The following SARNP variants were observed in gnomAD, a reference collection of about 807,000 sequenced individuals.
The protein encoded by SARNP is SAP domain containing ribonucleoprotein, also known as SAP domain-containing ribonucleoprotein.
Under a neutral mutation model 38.1 loss-of-function variants are expected in SARNP, and 5 were observed. That is an observed-to-expected ratio of 0.13 (90% CI 0.07 to 0.28). SARNP has a LOEUF of 0.28. SARNP is among the 10% of genes least tolerant of loss of function. The pLI is 1.00. For synonymous variants in SARNP, 84 were observed against 80.6 expected (o/e 1.04, Z -0.23); for missense variants, 180 against 243.9 (o/e 0.74, Z 1.75).
intron 1 of SARNP, among the ~76,000 whole-genome samples, chr12:55,807,042 C>T (rs1184526934): frequency 6.6e-6 from 1 of 152,152 alleles, no homozygotes; most frequent in African/African-American, 2.4e-5. Context: ...ATCCTCCCAC[C>T]CGAACCTCCA....
intron 10 of SARNP, among the ~76,000 whole-genome samples, chr12:55,758,404 TGA>T (rs1157969601): frequency 1.3e-5 from 2 of 152,084 alleles, no homozygotes; most frequent in Non-Finnish European, 2.9e-5. Context: ...CTCAGGACTT[TGA>T]GAGGCCGAGG....
chr12:55,752,675 T>A (rs999618803), downstream of SARNP: 6 of 152,126 alleles, frequency 3.9e-5, no homozygotes, highest in African/African-American at 1.2e-4. Flanking sequence ...GACAGGGGCA[T>A]TGGAATGCCA....
rs781133002 is a variant in SARNP, at chr12:55,759,591, G to GTAAA, written c.591+956_591+959dup. Among the ~76,000 whole-genome samples, 69 of 151,922 alleles carry GTAAA rather than the reference G, an allele frequency of 4.5e-4. 2 individuals are homozygous for GTAAA. Among genetic ancestry groups the GTAAA allele is most frequent in the Admixed American group, 9.8e-4 (15 of 15,250 alleles). On this transcript the variant is annotated intron_variant, in intron 10 of 10. Transcript: ENST00000336133. ...GCACCTGGCTAATTTTTTTAAATAAGTAAATAAATAAATAAATAAATGTAT... is the reference window on the plus strand; with the variant it reads ...GCACCTGGCTAATTTTTTTAAATAAGTAAATAAATAAATAAATAAATAAATGTAT...
chr12:55,816,737 TAAAAG>T (rs1188485638), intron 1 of SARNP, among the ~76,000 whole-genome samples: 1 of 152,242 alleles, frequency 6.6e-6, no homozygotes, highest in Non-Finnish European at 1.5e-5. Flanking sequence ...TAATTTACCC[TAAAAG>T]AAAATACTTT....
chr12:55,785,218 C>T lies in SARNP; in HGVS notation c.501+3857G>A, dbSNP rs139869565. Among the ~76,000 whole-genome samples, 479 of 152,222 alleles carry T rather than the reference C, an allele frequency of 3.1e-3. 2 individuals carry two copies. The highest frequency in any genetic ancestry group is 0.011 in the African/African-American group (442 of 41,540). The stretch of plus-strand genomic sequence containing the variant: ...TAAAAAAATATGCTATACGTATTGA[C>T]AATCAATGTTATTAGAGAAGGAAGC... On this transcript the variant is annotated intron_variant, in intron 9 of 10. Transcript: ENST00000336133.
intron 9 of SARNP, among the ~76,000 whole-genome samples, chr12:55,766,632 G>GGGGGGGT (rs1565671275): frequency 8.6e-5 from 4 of 46,570 alleles, no homozygotes; most frequent in Non-Finnish European, 1.2e-4. Context: ...GGGGGGGGGG[G>GGGGGGGT]TTGTTTTTTT....
intron 5 of SARNP, among the ~76,000 whole-genome samples, chr12:55,795,389 A>G (rs940592681): frequency 2.6e-5 from 4 of 152,152 alleles, no homozygotes; most frequent in Non-Finnish European, 5.9e-5. Context: ...GCAAACAAAA[A>G]AAGACTATTA....
At chr12:55,769,523 CT>C (rs1878944664) in intron 9 of SARNP, among the ~76,000 whole-genome samples, 1 of 152,184 alleles carries the variant, frequency 6.6e-6, no homozygotes, top group African/African-American at 2.4e-5. Flanking sequence ...AGCTTTTTAC[CT>C]TCTGAATCTT....
chr12:55,805,022 G>A (rs960632508), intron 1 of SARNP, among the ~76,000 whole-genome samples: 2 of 152,168 alleles, frequency 1.3e-5, no homozygotes, highest in African/African-American at 2.4e-5. Flanking sequence ...CCAGCACTTT[G>A]GGAGGCCGAG....
rs1004428927 is a variant in SARNP at position 55,783,222 on chromosome 12, C to T, written c.501+5853G>A. Among the ~76,000 whole-genome samples the T allele has an allele frequency of 1.3e-4, 19 of 151,732 alleles. 1 individual carries two copies. The East Asian group carries it at 3.5e-3, about 28-fold the overall frequency. ...TGGGAAACAGATAGAGAAAAAACAA[C>T]CAGTCAAGCACAAGACAGAAAACCT... On this transcript the variant is annotated intron_variant, in intron 9 of 10. Coordinates refer to ENST00000336133, the MANE Select transcript of SARNP (RefSeq NM_033082.4).
rs12322893 is a variant in SARNP at position 55,803,838 on chromosome 12, A to C, written c.37-110T>G. On this transcript the variant is annotated intron_variant, in intron 1 of 10. Coordinates refer to ENST00000336133, the MANE Select transcript of SARNP (RefSeq NM_033082.4). Reference sequence around the variant, plus strand: ...AAAAGAAAATGAAGTTCCATCCCAAATTACTGCCCTTAATTCTACCAAGGC... The same window carrying C: ...AAAAGAAAATGAAGTTCCATCCCAACTTACTGCCCTTAATTCTACCAAGGC... 8,175 of 663,006 alleles carry C rather than the reference A, an allele frequency of 0.012. 512 individuals carry two copies. The African/African-American group carries it at 0.13, about 11-fold the overall frequency. The allele number at this position is 663,006 out of a possible 1,614,324, so 41.1% of individuals were successfully genotyped here.
chr12:55,775,168 C>T (rs1205029630), intron 9 of SARNP, among the ~76,000 whole-genome samples: 1 of 147,536 alleles, frequency 6.8e-6, no homozygotes, highest in Non-Finnish European at 1.5e-5. Context: ...ATTACAGGTG[C>T]GAGCCACCAC....
intron 9 of SARNP, among the ~76,000 whole-genome samples, chr12:55,769,715 A>C (rs992346845): frequency 1.3e-5 from 2 of 152,268 alleles, no homozygotes; most frequent in Non-Finnish European, 2.9e-5. Flanking sequence ...TGCTCAGTAG[A>C]AACTATACTT....
chr12:55,784,831 T>C (rs1879443201), intron 9 of SARNP, among the ~76,000 whole-genome samples: 1 of 152,180 alleles, frequency 6.6e-6, no homozygotes, highest in Non-Finnish European at 1.5e-5. Context: ...GACCAAAATG[T>C]TTAAATTAGG....
At chr12:55,808,922 A>ATTGAT (rs1462921805) in intron 1 of SARNP, among the ~76,000 whole-genome samples, 4 of 152,184 alleles carry the variant, frequency 2.6e-5, no homozygotes, top group Non-Finnish European at 5.9e-5. Context: ...ATTTTTCTAA[A>ATTGAT]TTGATTTGAT....
chr12:55,790,882 AC>A (rs1349367375), intron 7 of SARNP, among the ~76,000 whole-genome samples: 1 of 152,236 alleles, frequency 6.6e-6, no homozygotes, highest in African/African-American at 2.4e-5. Context: ...ATATAATTAC[AC>A]AAAAATTTGT....
intron 9 of SARNP, among the ~76,000 whole-genome samples, chr12:55,777,519 C>T (rs1437104301): frequency 6.6e-6 from 1 of 151,900 alleles, no homozygotes; most frequent in Non-Finnish European, 1.5e-5. Flanking sequence ...GGACTACGGG[C>T]ACATGCCACC....
intron 1 of SARNP, chr12:55,815,975 A>G (rs901211824): frequency 6.6e-6 from 1 of 152,264 alleles, no homozygotes; most frequent in Non-Finnish European, 1.5e-5. Context: ...ATGTGATTAA[A>G]GAGCAAGTCC....
intron 9 of SARNP, among the ~76,000 whole-genome samples, chr12:55,782,795 T>A (rs1879377689): frequency 6.6e-6 from 1 of 152,168 alleles, no homozygotes; most frequent in Non-Finnish European, 1.5e-5. Flanking sequence ...TCTCACTATG[T>A]TGCCCAGGCT....
Sources: allele counts gnomAD v4.1 joint callset (sites outside exome capture counted in the v4.1 genomes callset), GRCh38; gene constraint gnomAD v4.1.1; transcripts MANE v1.5; gene names NCBI Gene and HGNC (gene_info 2026-07-23, HGNC 2026-07-21).